Variants in CSDE1 observed in about 807,000 individuals in gnomAD.
The protein encoded by CSDE1 is cold shock domain containing E1.
CSDE1 carries 17 observed loss-of-function variants against 89.3 expected under a neutral mutation model. The observed-to-expected ratio is 0.19, with a 90% CI of 0.13 to 0.29. The LOEUF (loss-of-function observed/expected upper bound fraction) is 0.29. Ranked by LOEUF, CSDE1 falls within the 10% of genes least tolerant of loss-of-function variation. The pLI is 1.00. For missense variants in CSDE1, 672 were observed against 984.2 expected (o/e 0.68, Z 4.24); for synonymous variants, 322 against 332.8 (o/e 0.97, Z 0.35).
At position 114,716,975 on chromosome 1, in the gene CSDE1, A is replaced by C. The variant is rs1659207237; in HGVS notation, c.*1194T>G. On this transcript the variant is annotated 3_prime_UTR_variant, in exon 20 of 20. Transcript: ENST00000358528. Reference sequence around the variant, plus strand: ...TCCATTCTTTCGCCATTAACAGAAAACTGGAGAAAGCAAAAATGTTTCGTG... The same window carrying C: ...TCCATTCTTTCGCCATTAACAGAAACCTGGAGAAAGCAAAAATGTTTCGTG... 4 of 152,702 alleles carry C rather than the reference A, an allele frequency of 2.6e-5. No homozygotes were observed. Among genetic ancestry groups the C allele is most frequent in the Admixed American group, 2.6e-4 (4 of 15,294 alleles). The allele number at this position is 152,702 out of a possible 1,614,324, so 9.5% of individuals were successfully genotyped here.
chr1:114,756,031 C>T (rs1661579367), intron 1 of CSDE1, among the ~76,000 whole-genome samples: 1 of 152,172 alleles, frequency 6.6e-6, no homozygotes, highest in Non-Finnish European at 1.5e-5. Flanking sequence ...TGGCCCTACA[C>T]GATGTGTCTT....
In CSDE1 at chr1:114,726,984, T is replaced by TTA; in HGVS notation, c.1461_1462dup (p.Lys488IlefsTer24). 1 of 1,594,972 alleles carries TTA rather than the reference T, an allele frequency of 6.3e-7. No homozygotes were observed. The highest frequency in any genetic ancestry group is 8.6e-7 in the Non-Finnish European group (1 of 1,162,684). ...CTCGAATGAGCAGAATTATCTTGCC[T>TTA]TATCTCCTATTTGAGGAGAAGTAGA... On this transcript the variant is annotated frameshift_variant and splice_region_variant, in exon 13 of 20. Transcript: ENST00000358528. LOFTEE classifies it high-confidence loss of function.
chr1:114,735,469 C>T (rs933204656), intron 6 of CSDE1, among the ~76,000 whole-genome samples: 1 of 152,134 alleles, frequency 6.6e-6, no homozygotes, highest in Non-Finnish European at 1.5e-5. Flanking sequence ...GTATGAACAT[C>T]GACAAGTAAC....
In CSDE1 at chr1:114,730,285, G is replaced by C; in HGVS notation, c.1329C>G (p.Thr443=). 6.2e-7 allele frequency: 1 copy of C among 1,613,992 alleles called. No homozygotes were observed. The highest frequency in any genetic ancestry group is 1.3e-5 in the African/African-American group (1 of 75,016). ...EKEATFSNPK[T]TSPNKGKEKE... is the part of the protein sequence containing the mutation. Reference sequence around the variant, plus strand: ...TCTCTTTGCCTTTATTTGGGCTAGTGGTTTTAGGATTGGAAAAAGTGGCTT... The same window carrying C: ...TCTCTTTGCCTTTATTTGGGCTAGTCGTTTTAGGATTGGAAAAAGTGGCTT... Residue 443 remains threonine, a synonymous_variant, in exon 12 of 20, where the codon ACC becomes ACG. Coordinates refer to ENST00000358528, the MANE Select transcript of CSDE1 (RefSeq NM_001007553.3).
chr1:114,732,731 A>G lies in CSDE1; in HGVS notation c.923T>C (p.Val308Ala). 2 of 1,614,184 alleles carry G rather than the reference A, an allele frequency of 1.2e-6. No individual in the cohort carries two copies. Among genetic ancestry groups the G allele is most frequent in the Non-Finnish European group, 1.7e-6 (2 of 1,180,014 alleles). ...PFGDKDTKSK[V>A]TLLEGDHVRF... ...AACATGGTCACCTTCCAGCAGGGTC[A>G]CCTTGGATTTCGTATCTTTGTCTCC... is the stretch of plus-strand genomic sequence containing the variant. Residue 308 changes from valine to alanine, a missense_variant, in exon 10 of 20, where the codon GTG becomes GCG. Physicochemically the swap from Val to Ala is moderately conservative, Grantham distance 64. Around this residue, in one of 8 missense-constraint regions of CSDE1, gnomAD observed 169 missense variants for 262.9 expected, o/e 0.64. Coordinates refer to ENST00000358528, the MANE Select transcript of CSDE1 (RefSeq NM_001007553.3).
Position 114,734,030 on chromosome 1 carries a change from G to C in CSDE1, c.670C>G (p.Gln224Glu), listed in dbSNP as rs764190528. 6.2e-7 allele frequency: 1 copy of C among 1,613,418 alleles called. No individual in the cohort carries two copies. Among genetic ancestry groups the C allele is most frequent in the Non-Finnish European group, 8.5e-7 (1 of 1,179,936 alleles). Reference protein sequence around the residue: ...SEFKGDLETLQPGDDVEFTIK... With the variant: ...SEFKGDLETLEPGDDVEFTIK... The stretch of plus-strand genomic sequence containing the variant: ...GTGAATTCCACATCATCGCCAGGCT[G>C]TAAGGTTTCTAAGTCACCCTTAAAT... Residue 224 changes from glutamine (Q) to glutamate (E), a missense_variant, in exon 8 of 20, where the codon CAG (glutamine) becomes GAG (glutamate). Gln to Glu is a conservative substitution (Grantham distance 29). Around this residue, in one of 8 missense-constraint regions of CSDE1, gnomAD observed 169 missense variants for 262.9 expected, o/e 0.64. Transcript: ENST00000358528.
chr1:114,756,032 G>A (rs1390927086), intron 1 of CSDE1, among the ~76,000 whole-genome samples: 2 of 152,116 alleles, frequency 1.3e-5, no homozygotes, highest in African/African-American at 4.8e-5. Context: ...GGCCCTACAC[G>A]ATGTGTCTTC....
intron 4 of CSDE1, 50 bp from the exon 5 acceptor site, chr1:114,737,613 G>T: frequency 7.2e-7 from 1 of 1,389,960 alleles, no homozygotes; most frequent in Non-Finnish European, 1.0e-6. Context: ...TTCAGGAGCA[G>T]CACTGTGCAA....
At chr1:114,736,653 AC>A (rs1660417633) in intron 6 of CSDE1, 104 bp downstream of exon 6, 3 of 661,896 alleles carry the variant, frequency 4.5e-6, no homozygotes, top group Non-Finnish European at 7.9e-6. Context: ...GTTCATGAAA[AC>A]TATCCAGACT....
At position 114,733,763 on chromosome 1, in the gene CSDE1, T is replaced by C. The variant is rs1478641056; in HGVS notation, c.806A>G (p.Lys269Arg). ...TTTACTGGGTACTTTTGGGATAACT[T>C]TGGTTACAGTTCCTTCAAAATGTTC... is the stretch of plus-strand genomic sequence containing the variant. Reference protein sequence around the residue: ...SIEHFEGTVTKVIPKVPSKNQ... With the variant: ...SIEHFEGTVTRVIPKVPSKNQ... The change falls in exon 9 of 20, where the codon AAA becomes AGA. Residue 269 changes from lysine to arginine, a missense_variant. Physicochemically the swap from Lys to Arg is conservative, Grantham distance 26. Coordinates refer to ENST00000358528, the MANE Select transcript of CSDE1 (RefSeq NM_001007553.3). 5 of 1,613,720 alleles carry C rather than the reference T, an allele frequency of 3.1e-6. No homozygotes were observed. The highest frequency in any genetic ancestry group is 4.2e-6 in the Non-Finnish European group (5 of 1,179,936).
intron 2 of CSDE1, 22 bp from the exon 3 acceptor site, chr1:114,739,912 T>C (rs1481071644): frequency 6.4e-7 from 1 of 1,569,508 alleles, no homozygotes; most frequent in Non-Finnish European, 8.8e-7. Flanking sequence ...AGAAAAAGAA[T>C]ATATACATAT....
At chr1:114,732,314 T>C (rs1040736678) in intron 10 of CSDE1, among the ~76,000 whole-genome samples, 7 of 152,214 alleles carry the variant, frequency 4.6e-5, no homozygotes, top group Admixed American at 6.5e-5. Flanking sequence ...AATGATGAAC[T>C]TGAATTTTCT....
At chr1:114,740,640 T>C (rs1034649970) in intron 2 of CSDE1, among the ~76,000 whole-genome samples, 6 of 152,228 alleles carry the variant, frequency 3.9e-5, no homozygotes, top group Admixed American at 6.5e-5. Context: ...TCCCATTCTT[T>C]AGTGAAATAG....
At chr1:114,718,591 C>T (rs1659335086) in intron 19 of CSDE1, 22 bp downstream of exon 19, 1 of 1,609,746 alleles carries the variant, frequency 6.2e-7, no homozygotes, top group Non-Finnish European at 8.5e-7. Context: ...TGGCCTCCCC[C>T]AAGCCTTGTA....
intron 2 of CSDE1, among the ~76,000 whole-genome samples, chr1:114,748,087 T>C (rs191466088): frequency 6.6e-6 from 1 of 152,338 alleles, no homozygotes; most frequent in Admixed American, 6.5e-5. Flanking sequence ...AATTTTACTA[T>C]AGTTTTTAGT....
intron 2 of CSDE1, among the ~76,000 whole-genome samples, chr1:114,742,715 T>G (rs1660797704): frequency 6.6e-6 from 1 of 152,158 alleles, no homozygotes; most frequent in Non-Finnish European, 1.5e-5. Context: ...TTCTTCAACC[T>G]CCACATTAAG....
intron 16 of CSDE1, among the ~76,000 whole-genome samples, chr1:114,722,876 G>A (rs1015179189): frequency 6.6e-6 from 1 of 152,120 alleles, no homozygotes; most frequent in African/African-American, 2.4e-5. Flanking sequence ...AATCCCATGT[G>A]GTAAAGGAAT....
chr1:114,755,621 C>T (rs1468817503), intron 1 of CSDE1, among the ~76,000 whole-genome samples: 1 of 152,196 alleles, frequency 6.6e-6, no homozygotes, highest in Non-Finnish European at 1.5e-5. Flanking sequence ...GATTTAACAG[C>T]AAGTCACTCT....
At chr1:114,749,227 G>A (rs2101082203) in intron 2 of CSDE1, among the ~76,000 whole-genome samples, 1 of 152,166 alleles carries the variant, frequency 6.6e-6, no homozygotes, top group South Asian at 2.1e-4. Context: ...TATTTTATTA[G>A]TATCTTTTAG....
Sources: gnomAD v4.1 joint callset for allele counts (sites outside exome capture counted in the v4.1 genomes callset) on GRCh38, gnomAD v4.1.1 for gene constraint, gnomAD v4.1.1 regional missense constraint, MANE v1.5 for transcripts, NCBI Gene and HGNC (gene_info 2026-07-23, HGNC 2026-07-21) for gene names.